Variants in STAC observed in about 807,000 individuals in gnomAD.
The protein encoded by STAC is SH3 and cysteine-rich domain-containing protein.
STAC carries 43 observed loss-of-function variants against 48.8 expected under a neutral mutation model. The ratio of observed to expected loss-of-function variants is 0.88; its 90% CI spans 0.69 to 1.14. The LOEUF (loss-of-function observed/expected upper bound fraction) is 1.14. Among genes scored for constraint, STAC ranks in the 50% most tolerant of loss-of-function variants. The probability of loss-of-function intolerance (pLI) is 0.00; values close to 1 mark genes in which losing one functional copy is unlikely to be tolerated. For missense variants in STAC, 497 were observed against 504.0 expected, an observed-to-expected ratio of 0.99 and a Z score of 0.13; for synonymous variants, 193 against 179.5, an observed-to-expected ratio of 1.07 and a Z score of -0.60.
At chr3:36,520,494 T>A (rs1370905839) in intron 8 of STAC, among the ~76,000 whole-genome samples, 3 of 152,232 alleles carry the variant, frequency 2.0e-5, no homozygotes, top group Non-Finnish European at 2.9e-5. Flanking sequence ...TACATTCTAA[T>A]GTCCTTCACC....
intron 2 of STAC, among the ~76,000 whole-genome samples, chr3:36,478,229 T>C (rs965748053): frequency 2.6e-5 from 4 of 152,230 alleles, no homozygotes; most frequent in Non-Finnish European, 5.9e-5. Context: ...CAATCTTTGC[T>C]CCCTTACTTC....
Position 36,504,404 on chromosome 3 carries a change from C to T in STAC, c.778C>T (p.Pro260Ser), listed in dbSNP as rs202182022. 1.7e-5 allele frequency: 27 copies of T among 1,612,960 alleles called. No individual in the cohort carries two copies. Among genetic ancestry groups the T allele is most frequent in the Non-Finnish European group, 2.3e-5 (27 of 1,179,262 alleles). ...RKRSNSVFTY[P>S]ENGTDDFRDP... ...CTTGTCTCCTTCAGTGTTTACATAT[C>T]CAGAAAATGGCACTGATGATTTCAG... is the stretch of plus-strand genomic sequence containing the variant. Residue 260 changes from proline to serine, a missense_variant, in exon 7 of 11, where the codon CCA becomes TCA. Coordinates refer to ENST00000273183, the MANE Select transcript of STAC (RefSeq NM_003149.3).
chr3:36,492,040 A>T (rs1195578298), intron 5 of STAC, among the ~76,000 whole-genome samples: 4 of 43,904 alleles, frequency 9.1e-5, no homozygotes, highest in African/African-American at 3.0e-4. Context: ...AAATATATAT[A>T]TATATATATA....
At chr3:36,401,695 G>C (rs1042492593) in intron 1 of STAC, among the ~76,000 whole-genome samples, 4 of 152,108 alleles carry the variant, frequency 2.6e-5, no homozygotes, top group Non-Finnish European at 2.9e-5. Flanking sequence ...TATAATTTGC[G>C]GGGCCCAGTG....
chr3:36,506,231 T>C (rs1325354294), intron 8 of STAC: 1 of 159,998 alleles, frequency 6.3e-6, no homozygotes, highest in African/African-American at 2.4e-5. Flanking sequence ...TAATCAAATA[T>C]CAGATAGTTG....
At chr3:36,498,313 G>A (rs935220316) in intron 6 of STAC, among the ~76,000 whole-genome samples, 5 of 152,096 alleles carry the variant, frequency 3.3e-5, no homozygotes, top group African/African-American at 1.2e-4. Context: ...TAGGCATAAA[G>A]AGAGAATTAG....
intron 3 of STAC, among the ~76,000 whole-genome samples, chr3:36,483,690 C>T (rs923213601): frequency 3.3e-5 from 5 of 152,328 alleles, no homozygotes; most frequent in Admixed American, 2.0e-4. Flanking sequence ...CAATGGCTCA[C>T]GCCTATAATC....
At chr3:36,431,606 C>A (rs565092077) in intron 1 of STAC, among the ~76,000 whole-genome samples, 1 of 152,286 alleles carries the variant, frequency 6.6e-6, no homozygotes, top group South Asian at 2.1e-4. Context: ...TCTTCATTCT[C>A]CCTGAAAAGG....
Position 36,384,324 on chromosome 3 carries a change from T to A in STAC, c.111+3570T>A, listed in dbSNP as rs557872026. 3.3e-5 allele frequency among the ~76,000 whole-genome samples: 5 copies of A among 152,210 alleles called. No individual in the cohort carries two copies. In the South Asian group the frequency reaches 1.0e-3, roughly 32 times the overall value. On this transcript the variant is annotated intron_variant, in intron 1 of 10. Coordinates refer to ENST00000273183, the MANE Select transcript of STAC (RefSeq NM_003149.3). ...GAATCACACCTCAATATCATCAATA[T>A]CAAAGGTGAGATTGACACACCTCTG...
chr3:36,407,473 C>T (rs996857198), intron 1 of STAC, among the ~76,000 whole-genome samples: 1 of 152,192 alleles, frequency 6.6e-6, no homozygotes, highest in Non-Finnish European at 1.5e-5. Context: ...TTGTCATAGC[C>T]ATTCAGAATT....
intron 1 of STAC, among the ~76,000 whole-genome samples, chr3:36,442,555 G>A (rs1487903397): frequency 6.6e-6 from 1 of 152,068 alleles, no homozygotes; most frequent in African/African-American, 2.4e-5. Context: ...CCAGAATAGA[G>A]GGGTAGATTA....
intron 2 of STAC, among the ~76,000 whole-genome samples, chr3:36,450,668 G>C (rs565226427): frequency 9.8e-5 from 15 of 152,286 alleles, no homozygotes; most frequent in East Asian, 3.9e-4. Flanking sequence ...TGGGATTACA[G>C]GTGCCCGCCA....
chr3:36,484,261 C>A (rs937435486), intron 3 of STAC, among the ~76,000 whole-genome samples: 19 of 152,242 alleles, frequency 1.2e-4, no homozygotes, highest in Non-Finnish European at 4.4e-5. Context: ...AGGGACACCA[C>A]TTTCCAGGAA....
At chr3:36,477,355 G>A (rs1375640403) in intron 2 of STAC, among the ~76,000 whole-genome samples, 3 of 151,900 alleles carry the variant, frequency 2.0e-5, no homozygotes, top group Non-Finnish European at 2.9e-5. Flanking sequence ...ATTTTATCCT[G>A]TTTTATCTTT....
intron 2 of STAC, among the ~76,000 whole-genome samples, chr3:36,447,398 TC>T (rs1287898159): frequency 6.6e-6 from 1 of 152,122 alleles, no homozygotes; most frequent in Non-Finnish European, 1.5e-5. Context: ...TATAAAACAC[TC>T]CCCACTAGGA....
At chr3:36,430,056 T>C (rs995390068) in intron 1 of STAC, among the ~76,000 whole-genome samples, 7 of 152,186 alleles carry the variant, frequency 4.6e-5, no homozygotes, top group Non-Finnish European at 5.9e-5. Context: ...CAGAACATTG[T>C]TCTAGGCCAG....
intron 5 of STAC, among the ~76,000 whole-genome samples, chr3:36,491,742 G>T (rs1375237311): frequency 6.6e-6 from 1 of 151,664 alleles, no homozygotes; most frequent in Non-Finnish European, 1.5e-5. Flanking sequence ...GGCCAGGTCT[G>T]GTGGCTCACG....
At chr3:36,467,931 A>C (rs1166994559) in intron 2 of STAC, among the ~76,000 whole-genome samples, 1 of 151,648 alleles carries the variant, frequency 6.6e-6, no homozygotes, top group Non-Finnish European at 1.5e-5. Flanking sequence ...TTGAGTTGTG[A>C]CCTCAGATTG....
At position 36,396,671 on chromosome 3, in the gene STAC, T is replaced by G. The variant is rs190040868; in HGVS notation, c.111+15917T>G. Among the ~76,000 whole-genome samples the G allele has an allele frequency of 4.9e-4, 75 of 152,298 alleles. No homozygotes were observed. In the East Asian group the frequency reaches 5.6e-3, roughly 11 times the overall value. ...TCTTTCTGGCTTACATTTCCCTGCT[T>G]TTAAAAGCAGAATATACCAAATGTA... On this transcript the variant is annotated intron_variant, in intron 1 of 10. Transcript: ENST00000273183.
Sources: allele counts gnomAD v4.1 joint callset (sites outside exome capture counted in the v4.1 genomes callset), GRCh38; gene constraint gnomAD v4.1.1; transcripts MANE v1.5; gene names NCBI Gene and HGNC (gene_info 2026-07-23, HGNC 2026-07-21).